AGAP1: variants seen among roughly 807,000 people sequenced by gnomAD.
The protein encoded by AGAP1 is ArfGAP with GTPase domain, ankyrin repeat and PH domain 1, also known as arf-GAP with GTPase, ANK repeat and PH domain-containing protein 1.
A neutral mutation model predicts 105.3 loss-of-function variants in AGAP1; 29 were observed. That is an observed-to-expected ratio of 0.28 (90% CI 0.21 to 0.38). The LOEUF (loss-of-function observed/expected upper bound fraction) is 0.38, where lower values mean the gene tolerates loss of function less well. Ranked by LOEUF, AGAP1 falls within the 10% of genes least tolerant of loss-of-function variation. AGAP1 has a pLI of 1.00. For synonymous variants in AGAP1, 509 were observed against 485.9 expected (o/e 1.05, Z -0.63); for missense variants, 998 against 1,165.1 (o/e 0.86, Z 2.09).
At chr2:235,956,902 C>A (rs762289042) in intron 12 of AGAP1, among the ~76,000 whole-genome samples, 3 of 152,240 alleles carry the variant, frequency 2.0e-5, no homozygotes, top group African/African-American at 7.2e-5. Context: ...CTGACCCTCT[C>A]CCCCGTCTCA....
rs1950243589 is a variant in AGAP1, at chr2:235,701,191, A to G, written c.164-7988A>G. On this transcript the variant is annotated intron_variant, in intron 1 of 17. Coordinates refer to ENST00000304032, the MANE Select transcript of AGAP1 (RefSeq NM_001037131.3). The surrounding 1 kb of genome is among the most constrained non-coding windows in gnomAD (Gnocchi z 4.1). ...TATATTTATATATATGGGGGGGTGG[A>G]AATCACTATCCTCTAAGAAGTTACA... is the stretch of plus-strand genomic sequence containing the variant. Among the ~76,000 whole-genome samples the G allele has an allele frequency of 1.3e-5, 2 of 151,516 alleles. No homozygotes were observed. The highest frequency in any genetic ancestry group is 1.9e-4 in the East Asian group (1 of 5,176).
intron 1 of AGAP1, among the ~76,000 whole-genome samples, chr2:235,645,322 A>G (rs112746382): frequency 1.3e-5 from 2 of 152,204 alleles, no homozygotes; most frequent in East Asian, 1.9e-4. Flanking sequence ...ACCTATCTCA[A>G]AGTTGCTCTG....
At chr2:235,498,889 G>C (rs192837264) in intron 1 of AGAP1, among the ~76,000 whole-genome samples, 150 of 152,308 alleles carry the variant, frequency 9.8e-4, no homozygotes, top group Non-Finnish European at 1.8e-3. Flanking sequence ...CTTCTTAAGG[G>C]CATTTCCACA....
In AGAP1 at chr2:235,979,934, G is replaced by A. The variant is rs1046426769; in HGVS notation, c.1645+11311G>A. Among the ~76,000 whole-genome samples, 1 of 152,030 alleles carries A rather than the reference G, an allele frequency of 6.6e-6. No individual in the cohort carries two copies. Among genetic ancestry groups the A allele is most frequent in the Non-Finnish European group, 1.5e-5 (1 of 68,024 alleles). ...TGATGTGATCATTATCTGCCACCTC[G>A]TCGCCTTGCTGCCTCTGCATGCAGT... On this transcript the variant is annotated intron_variant, in intron 13 of 17. Coordinates refer to ENST00000304032, the MANE Select transcript of AGAP1 (RefSeq NM_001037131.3). This position sits in a 1 kb window ranked among gnomAD's most constrained non-coding sequence, Gnocchi z 4.5.
intron 6 of AGAP1, among the ~76,000 whole-genome samples, chr2:235,756,637 A>G (rs574746784): frequency 6.6e-6 from 1 of 152,248 alleles, no homozygotes; most frequent in Admixed American, 6.5e-5. Context: ...TGTTTTGTAT[A>G]CAGCAGGGGT....
chr2:235,713,564 G>A (rs1024604591), intron 2 of AGAP1, among the ~76,000 whole-genome samples: 1 of 152,024 alleles, frequency 6.6e-6, no homozygotes, highest in Admixed American at 6.6e-5. Flanking sequence ...CTGTCCTTGA[G>A]GAATTGTCAG....
Position 235,912,790 on chromosome 2 carries a change from A to G in AGAP1, c.1324+3884A>G, listed in dbSNP as rs540618509. 4.6e-5 allele frequency among the ~76,000 whole-genome samples: 7 copies of G among 152,358 alleles called. No homozygotes were observed. The East Asian group carries it at 1.2e-3, about 25-fold the overall frequency. ...ACCAGTTTCACCTCACACACTTGCT[A>G]ATGCTATTAATATTATTGTTAGAAT... On this transcript the variant is annotated intron_variant, in intron 11 of 17. Coordinates refer to ENST00000304032, the MANE Select transcript of AGAP1 (RefSeq NM_001037131.3).
rs1946903800 is a variant in AGAP1 at position 235,633,765 on chromosome 2, T to C, written c.164-75414T>C. Among the ~76,000 whole-genome samples, 1 of 152,054 alleles carries C rather than the reference T, an allele frequency of 6.6e-6. No individual in the cohort carries two copies. Among genetic ancestry groups the C allele is most frequent in the South Asian group, 2.1e-4 (1 of 4,806 alleles). ...CTTATGACAGCTTTACCTAAAAAGA[T>C]GGGGGAAGGTTACAGTAATATTTTT... On this transcript the variant is annotated intron_variant, in intron 1 of 17. Coordinates refer to ENST00000304032, the MANE Select transcript of AGAP1 (RefSeq NM_001037131.3). This position sits in a 1 kb window ranked among gnomAD's most constrained non-coding sequence, Gnocchi z 4.8.
rs1215784964 is a variant in AGAP1 at position 235,723,329 on chromosome 2, C to G, written c.310+5685C>G. ...AATATTCAGCGTCCCCCAACACAGA[C>G]CCCACATGATGCCACTCAGCTTTTA... is the stretch of plus-strand genomic sequence containing the variant. On this transcript the variant is annotated intron_variant, in intron 3 of 17. Transcript: ENST00000304032. The surrounding 1 kb of genome is among the most constrained non-coding windows in gnomAD (Gnocchi z 6.2). Among the ~76,000 whole-genome samples the G allele has an allele frequency of 3.3e-5, 5 of 152,146 alleles. No homozygotes were observed. The highest frequency in any genetic ancestry group is 7.3e-5 in the Non-Finnish European group (5 of 68,034).
intron 13 of AGAP1, among the ~76,000 whole-genome samples, chr2:235,978,702 C>T (rs1208377347): frequency 6.6e-6 from 1 of 152,176 alleles, no homozygotes; most frequent in Non-Finnish European, 1.5e-5. Flanking sequence ...TTCTGCAGGC[C>T]TCTTACTCTC....
chr2:235,967,321 C>A lies in AGAP1; in HGVS notation c.1484-1141C>A, dbSNP rs1245487800. On this transcript the variant is annotated intron_variant, in intron 12 of 17. Transcript: ENST00000304032. The surrounding 1 kb of genome is among the most constrained non-coding windows in gnomAD (Gnocchi z 4.7). The stretch of plus-strand genomic sequence containing the variant: ...ACCCCAGCTACCCTATTTTAAATGA[C>A]ACCCCCCATCACTGCCGCCTCTCCC... Among the ~76,000 whole-genome samples the A allele has an allele frequency of 1.3e-5, 2 of 152,158 alleles. No individual in the cohort carries two copies. Among genetic ancestry groups the A allele is most frequent in the African/African-American group, 2.4e-5 (1 of 41,422 alleles).
At position 235,960,323 on chromosome 2, in the gene AGAP1, T is replaced by C. The variant is rs2054128152; in HGVS notation, c.1484-8139T>C. ...TGAGATTGCAGTTGTTTTTATCCCA[T>C]GACAACCCTGTGTCCTCTGAAAAGC... is the stretch of plus-strand genomic sequence containing the variant. On this transcript the variant is annotated intron_variant, in intron 12 of 17. Transcript: ENST00000304032. The surrounding 1 kb of genome is among the most constrained non-coding windows in gnomAD (Gnocchi z 4.9). 1.3e-5 allele frequency among the ~76,000 whole-genome samples: 2 copies of C among 152,164 alleles called. No homozygotes were observed. The highest frequency in any genetic ancestry group is 2.9e-5 in the Non-Finnish European group (2 of 68,018).
chr2:235,809,405 A>G (rs1958011496), intron 9 of AGAP1, among the ~76,000 whole-genome samples: 1 of 151,994 alleles, frequency 6.6e-6, no homozygotes, highest in Non-Finnish European at 1.5e-5. Context: ...TGTCCCTCCT[A>G]ATTGTCCCCC....
chr2:235,558,924 T>C (rs562901845), intron 1 of AGAP1, among the ~76,000 whole-genome samples: 12 of 152,222 alleles, frequency 7.9e-5, no homozygotes, highest in African/African-American at 2.6e-4. Context: ...TTACACGTCA[T>C]TGAAGATTTT....
chr2:236,029,440 CA>C (rs1285305861), intron 13 of AGAP1, among the ~76,000 whole-genome samples: 12 of 96,854 alleles, frequency 1.2e-4, no homozygotes, highest in African/African-American at 5.1e-4. Flanking sequence ...CACACCCAGC[CA>C]TTTTTTTTTT....
At chr2:235,706,491 T>C (rs918410991) in intron 1 of AGAP1, among the ~76,000 whole-genome samples, 2 of 151,944 alleles carry the variant, frequency 1.3e-5, no homozygotes, top group African/African-American at 4.8e-5. Flanking sequence ...GCCTCCCAAA[T>C]TACAGGCCTG....
intron 6 of AGAP1, among the ~76,000 whole-genome samples, chr2:235,780,858 A>C (rs1956217856): frequency 6.6e-6 from 1 of 152,192 alleles, no homozygotes; most frequent in Non-Finnish European, 1.5e-5. Flanking sequence ...TAATGATGGT[A>C]TCTGCTGTGT....
At chr2:235,950,308 A>T (rs1317327510) in intron 12 of AGAP1, among the ~76,000 whole-genome samples, 1 of 152,240 alleles carries the variant, frequency 6.6e-6, no homozygotes, top group African/African-American at 2.4e-5. Context: ...GGTGAGCTAC[A>T]GAATTGCAAA....
intron 1 of AGAP1, among the ~76,000 whole-genome samples, chr2:235,616,667 C>G (rs1465913594): frequency 1.3e-5 from 2 of 152,088 alleles, no homozygotes; most frequent in African/African-American, 4.8e-5. Flanking sequence ...GCTTCCTGCC[C>G]CACCTGTGGT....
Sources: gnomAD v4.1 joint callset for allele counts (sites outside exome capture counted in the v4.1 genomes callset) on GRCh38, gnomAD v4.1.1 for gene constraint, Gnocchi (gnomAD v3.1) non-coding constraint, MANE v1.5 for transcripts, NCBI Gene and HGNC (gene_info 2026-07-23, HGNC 2026-07-21) for gene names.